The following CUEDC2 variants were observed in gnomAD, a reference collection of about 807,000 sequenced individuals.
CUEDC2 encodes the protein CUE domain containing 2, also known as CUE domain-containing protein 2.
In CUEDC2, 10 loss-of-function variants were observed where a neutral mutation model predicts 36.0. That is an observed-to-expected ratio of 0.28 (90% CI 0.17 to 0.47). The LOEUF (loss-of-function observed/expected upper bound fraction) is 0.47, where lower values mean the gene tolerates loss of function less well. Among genes scored for constraint, CUEDC2 ranks in the 20% least tolerant of loss-of-function variants. CUEDC2 has a pLI of 0.99. For missense variants in CUEDC2, 269 were observed against 368.1 expected (o/e 0.73, Z 2.20); for synonymous variants, 133 against 141.8 (o/e 0.94, Z 0.44).
chr10:102,423,336 G>A lies in CUEDC2; in HGVS notation c.*90C>T. 6.7e-7 allele frequency: 1 copy of A among 1,484,220 alleles called. No individual in the cohort carries two copies. The allele number at this position is 1,484,220 out of a possible 1,614,324, so 91.9% of individuals were successfully genotyped here. A position where few individuals can be genotyped will look rare whatever the true frequency, so the allele number is the denominator to read the frequency against. ...GCAAAGGAGTAGAGAAGGGGGACAG[G>A]AGTTAGGGGGCCCCTGTGTAGGGGT... On this transcript the variant is annotated 3_prime_UTR_variant, in exon 9 of 9. Transcript: ENST00000369937. This position sits in a 1 kb window ranked among gnomAD's most constrained non-coding sequence, Gnocchi z 5.6.
chr10:102,429,644 G>A (rs966237719), intron 1 of CUEDC2, among the ~76,000 whole-genome samples: 32 of 143,060 alleles, frequency 2.2e-4, no homozygotes, highest in Non-Finnish European at 2.3e-4. Flanking sequence ...AGGAAGAGCA[G>A]AATGGCTCAG....
chr10:102,425,165 A>T lies in CUEDC2; in HGVS notation c.24T>A (p.Ser8Arg). Residue 8 changes from serine to arginine, a missense_variant, in exon 2 of 9, where the codon AGT becomes AGA. Ser to Arg is a moderately radical substitution (Grantham distance 110). Transcript: ENST00000369937. MELERIVSAALLAFVQTH... is the reference protein window; with the variant it reads MELERIVRAALLAFVQTH... The stretch of plus-strand genomic sequence containing the variant: ...TCTGGACAAAGGCAAGGAGGGCTGC[A>T]CTGACGATCCTCTCCAGCTCCATGC... The T allele has an allele frequency of 6.2e-7, 1 of 1,613,874 alleles. No homozygotes were observed. The highest frequency in any genetic ancestry group is 1.1e-5 in the South Asian group (1 of 91,082).
intron 1 of CUEDC2, among the ~76,000 whole-genome samples, chr10:102,429,302 C>CT (rs2061608437): frequency 6.6e-6 from 1 of 152,076 alleles, no homozygotes; most frequent in Admixed American, 6.6e-5. Flanking sequence ...AGTGGGCACT[C>CT]AATAAACAGT....
At chr10:102,426,415 A>G (rs2061596750) in intron 1 of CUEDC2, among the ~76,000 whole-genome samples, 1 of 152,056 alleles carries the variant, frequency 6.6e-6, no homozygotes, top group Non-Finnish European at 1.5e-5. Flanking sequence ...ATCTGCGCAC[A>G]TCCCCCTCCA....
At chr10:102,429,689 CAG>C (rs1366221305) in intron 1 of CUEDC2, among the ~76,000 whole-genome samples, 4 of 148,792 alleles carry the variant, frequency 2.7e-5, no homozygotes, top group African/African-American at 1.0e-4. Flanking sequence ...GCAGCTCCCT[CAG>C]GGTAGAACCG....
chr10:102,426,953 G>A lies in CUEDC2; in HGVS notation c.-10-1755C>T, dbSNP rs138763107. ...GCTGGGATTACAGCCATGAGTCACC[G>A]TGCCCGGCCTCAAAATTTCTTAGAC... On this transcript the variant is annotated intron_variant, in intron 1 of 8. Coordinates refer to ENST00000369937, the MANE Select transcript of CUEDC2 (RefSeq NM_024040.3). 5.6e-3 allele frequency among the ~76,000 whole-genome samples: 845 copies of A among 151,948 alleles called. 15 individuals carry two copies. Among genetic ancestry groups the A allele is most frequent in the South Asian group, 0.017 (83 of 4,796 alleles).
At position 102,424,925 on chromosome 10, in the gene CUEDC2, T is replaced by TA. The variant is rs973444723; in HGVS notation, c.75-134dup. 2 of 1,053,910 alleles carry TA rather than the reference T, an allele frequency of 1.9e-6. No individual in the cohort carries two copies. The highest frequency in any genetic ancestry group is 5.1e-5 in the East Asian group (2 of 38,922). The allele number at this position is 1,053,910 out of a possible 1,614,324, so 65.3% of individuals were successfully genotyped here. A position where few individuals can be genotyped will look rare whatever the true frequency, so the allele number is the denominator to read the frequency against. ...CCTTTATCTTTAAGGCCAGAGAGTA[T>TA]AACCCCCTCCCTCAGAGCTATGGTT... On this transcript the variant is annotated intron_variant, in intron 2 of 8. Coordinates refer to ENST00000369937, the MANE Select transcript of CUEDC2 (RefSeq NM_024040.3). This position sits in a 1 kb window ranked among gnomAD's most constrained non-coding sequence, Gnocchi z 4.2.
rs1314295112 is a variant in CUEDC2 at position 102,423,404 on chromosome 10, C to T, written c.*22G>A. ...CTCTGGGATCTGAGCCTAGAAGGCT[C>T]GGGCAGAGTCCGGCGAGTGCCTCAA... is the stretch of plus-strand genomic sequence containing the variant. On this transcript the variant is annotated 3_prime_UTR_variant, in exon 9 of 9. Coordinates refer to ENST00000369937, the MANE Select transcript of CUEDC2 (RefSeq NM_024040.3). This position sits in a 1 kb window ranked among gnomAD's most constrained non-coding sequence, Gnocchi z 5.6. 3.7e-6 allele frequency: 6 copies of T among 1,613,980 alleles called. No individual in the cohort carries two copies. Among genetic ancestry groups the T allele is most frequent in the African/African-American group, 1.3e-5 (1 of 74,920 alleles).
At chr10:102,429,671 C>T (rs189093418) in intron 1 of CUEDC2, among the ~76,000 whole-genome samples, 2 of 146,810 alleles carry the variant, frequency 1.4e-5, no homozygotes, top group East Asian at 4.0e-4. Flanking sequence ...CATACTAGAT[C>T]CCATCATGCA....
chr10:102,428,130 A>C (rs1057506609), intron 1 of CUEDC2, among the ~76,000 whole-genome samples: 3 of 152,108 alleles, frequency 2.0e-5, no homozygotes, highest in Non-Finnish European at 2.9e-5. Flanking sequence ...TAGTAGAGAC[A>C]GGGTTTCACC....
At chr10:102,426,101 C>T (rs370018191) in intron 1 of CUEDC2, among the ~76,000 whole-genome samples, 43 of 152,306 alleles carry the variant, frequency 2.8e-4, no homozygotes, top group African/African-American at 8.2e-4. Context: ...TGTCTGTCTG[C>T]CCCCATAAAA....
intron 1 of CUEDC2, among the ~76,000 whole-genome samples, chr10:102,427,897 G>A (rs1288905672): frequency 6.6e-6 from 1 of 152,002 alleles, no homozygotes; most frequent in Non-Finnish European, 1.5e-5. Context: ...ATACCTTCCT[G>A]GATCATTTCC....
intron 1 of CUEDC2, among the ~76,000 whole-genome samples, chr10:102,431,483 A>C (rs1032566052): frequency 8.5e-5 from 13 of 152,154 alleles, no homozygotes; most frequent in Admixed American, 8.5e-4. Flanking sequence ...TGAAGGCACT[A>C]TGAGGTTAAG....
chr10:102,429,821 CT>C (rs55659266), intron 1 of CUEDC2, among the ~76,000 whole-genome samples: 128,322 of 133,148 alleles, frequency 0.96, 61,900 homozygotes, highest in South Asian at 0.99. Context: ...CAGTTTCTTT[CT>C]TTTTTTTTTT....
intron 1 of CUEDC2, among the ~76,000 whole-genome samples, chr10:102,428,601 T>C (rs532981966): frequency 6.6e-6 from 1 of 152,282 alleles, no homozygotes; most frequent in Admixed American, 6.5e-5. Context: ...TTCCCTTCCT[T>C]GGCTGGGCAC....
intron 1 of CUEDC2, among the ~76,000 whole-genome samples, chr10:102,427,858 T>C (rs1245173312): frequency 6.6e-6 from 1 of 152,214 alleles, no homozygotes. Context: ...TTACCCTGTC[T>C]ATATCTCTCT....
At chr10:102,432,443 G>A (rs922558559) in intron 1 of CUEDC2, 83 bp downstream of exon 1, 3 of 152,490 alleles carry the variant, frequency 2.0e-5, no homozygotes, top group African/African-American at 7.2e-5. Context: ...GGGTACCGTG[G>A]GGGAACACAT....
chr10:102,424,563 GAAAA>G lies in CUEDC2; in HGVS notation c.219-7_219-4del. On this transcript the variant is annotated splice_polypyrimidine_tract_variant and splice_region_variant and intron_variant, in intron 3 of 8. Coordinates refer to ENST00000369937, the MANE Select transcript of CUEDC2 (RefSeq NM_024040.3). This position sits in a 1 kb window ranked among gnomAD's most constrained non-coding sequence, Gnocchi z 4.2. ...GCATCATGTCCCCTATTGTGCCCCTGAAAAGATGAGGGCAGTGAGAGGATGACTC... is the reference window on the plus strand; with the variant it reads ...GCATCATGTCCCCTATTGTGCCCCTGGATGAGGGCAGTGAGAGGATGACTC... The G allele has an allele frequency of 6.2e-7, 1 of 1,614,152 alleles. No homozygotes were observed.
In CUEDC2 at chr10:102,423,835, G is replaced by A; in HGVS notation, c.619C>T (p.Pro207Ser). 3 of 1,613,720 alleles carry A rather than the reference G, an allele frequency of 1.9e-6. No individual in the cohort carries two copies. Among genetic ancestry groups the A allele is most frequent in the Non-Finnish European group, 2.5e-6 (3 of 1,179,898 alleles). ...NQDLPRRLRG[P>S]QKDELKSFIL... ...AAGGACTTCAGCTCATCCTTTTGGG[G>A]GCCTCTGAGGCGTCTGGGCAGGTCC... is the stretch of plus-strand genomic sequence containing the variant. Residue 207 changes from proline to serine, a missense_variant, in exon 7 of 9, where the codon CCC (proline) becomes TCC (serine). Pro to Ser is a moderately conservative substitution (Grantham distance 74, BLOSUM62 -1). Transcript: ENST00000369937. This position sits in a 1 kb window ranked among gnomAD's most constrained non-coding sequence, Gnocchi z 5.6.
Sources: gnomAD v4.1 joint callset for allele counts (sites outside exome capture counted in the v4.1 genomes callset) on GRCh38, gnomAD v4.1.1 for gene constraint, Gnocchi (gnomAD v3.1) non-coding constraint, MANE v1.5 for transcripts, NCBI Gene and HGNC (gene_info 2026-07-23, HGNC 2026-07-21) for gene names.